The following GPM6A variants were observed in gnomAD, a reference collection of about 807,000 sequenced individuals.
The protein encoded by GPM6A is glycoprotein M6A.
In GPM6A, 7 loss-of-function variants were observed where a neutral mutation model predicts 32.1. That is an observed-to-expected ratio of 0.22 (90% CI 0.12 to 0.41). The LOEUF is 0.41. GPM6A is among the 10% of genes least tolerant of loss of function. GPM6A has a pLI of 1.00. For missense variants in GPM6A, 235 were observed against 347.2 expected (o/e 0.68, Z 2.57); for synonymous variants, 130 against 123.4 (o/e 1.05, Z -0.35).
chr4:175,684,342 C>T (rs1743854881), intron 2 of GPM6A, among the ~76,000 whole-genome samples: 1 of 152,120 alleles, frequency 6.6e-6, no homozygotes. Flanking sequence ...TATTACATCT[C>T]ATCTGGGATT....
intron 3 of GPM6A, among the ~76,000 whole-genome samples, chr4:175,671,651 A>C (rs1270179956): frequency 6.6e-6 from 1 of 152,022 alleles, no homozygotes; most frequent in Non-Finnish European, 1.5e-5. Flanking sequence ...AGGGGAAGGG[A>C]GGCAGGGTTC....
intron 1 of GPM6A, among the ~76,000 whole-genome samples, chr4:175,709,396 T>A (rs1745401694): frequency 6.6e-6 from 1 of 151,726 alleles, no homozygotes. Flanking sequence ...TTAAAGAGCA[T>A]TGGCCAGGAC....
chr4:175,752,148 T>C (rs956796692), intron 1 of GPM6A, among the ~76,000 whole-genome samples: 1 of 152,196 alleles, frequency 6.6e-6, no homozygotes, highest in Non-Finnish European at 1.5e-5. Context: ...AGTAATTTTA[T>C]ATAATTGTGG....
chr4:175,708,897 AAAG>A (rs1324469485), intron 1 of GPM6A, among the ~76,000 whole-genome samples: 8 of 152,360 alleles, frequency 5.3e-5, no homozygotes, highest in Non-Finnish European at 1.2e-4. Context: ...GAGTCTGCAT[AAAG>A]TTGTAATTAC....
In GPM6A at chr4:175,772,189, C is replaced by G. The variant is rs377227912; in HGVS notation, c.37+40002G>C. Among the ~76,000 whole-genome samples the G allele has an allele frequency of 1.8e-3, 268 of 152,174 alleles. 1 individual carries two copies. The highest frequency in any genetic ancestry group is 5.3e-3 in the African/African-American group (221 of 41,564). ...ACAAACACCTTAATATGAGGCCAGT[C>G]TATCTGTCAATCACAATTTATTATC... On this transcript the variant is annotated intron_variant, in intron 1 of 6. Coordinates refer to ENST00000393658, the MANE Select transcript of GPM6A (RefSeq NM_201591.3).
intron 1 of GPM6A, among the ~76,000 whole-genome samples, chr4:175,830,478 C>T (rs1310435520): frequency 4.6e-5 from 7 of 152,148 alleles, no homozygotes. Context: ...CTGTTCTTCA[C>T]ACATATATCA....
intron 3 of GPM6A, among the ~76,000 whole-genome samples, chr4:175,665,551 C>T (rs111373880): frequency 2.1e-4 from 32 of 152,112 alleles, no homozygotes; most frequent in South Asian, 1.3e-3. Context: ...GAGACTGAGG[C>T]GGGCGGATCA....
At chr4:175,847,361 C>T (rs1736122152) in intron 1 of GPM6A, among the ~76,000 whole-genome samples, 1 of 152,094 alleles carries the variant, frequency 6.6e-6, no homozygotes, top group Admixed American at 6.6e-5. Flanking sequence ...ATGGAAAATT[C>T]CAGAAACACA....
At chr4:175,971,684 A>T (rs1485078251) in intron 1 of GPM6A, among the ~76,000 whole-genome samples, 1 of 152,216 alleles carries the variant, frequency 6.6e-6, no homozygotes, top group Non-Finnish European at 1.5e-5. Flanking sequence ...TAGAAGAAAC[A>T]GTGGTTTTGA....
At chr4:175,858,238 A>G (rs991911667) in intron 1 of GPM6A, among the ~76,000 whole-genome samples, 1 of 152,182 alleles carries the variant, frequency 6.6e-6, no homozygotes, top group African/African-American at 2.4e-5. Flanking sequence ...ACTTATTAGA[A>G]AAGCTAAAAA....
At chr4:175,774,361 G>A (rs1459938750) in intron 1 of GPM6A, among the ~76,000 whole-genome samples, 1 of 151,922 alleles carries the variant, frequency 6.6e-6, no homozygotes, top group Non-Finnish European at 1.5e-5. Context: ...ACATTAATAA[G>A]CATATTAATC....
intron 1 of GPM6A, among the ~76,000 whole-genome samples, chr4:175,784,134 T>C (rs1243531633): frequency 6.6e-6 from 1 of 152,124 alleles, no homozygotes; most frequent in East Asian, 1.9e-4. Context: ...TGCTTCTGGA[T>C]ATGAAGTGAT....
At chr4:175,787,675 G>T in intron 1 of GPM6A, 1 of 1,028,002 alleles carries the variant, frequency 9.7e-7, no homozygotes, top group African/African-American at 1.7e-5. Context: ...TTTAATATAT[G>T]CAAGACATAA....
At chr4:175,751,106 C>T (rs919137637) in intron 1 of GPM6A, among the ~76,000 whole-genome samples, 1 of 151,970 alleles carries the variant, frequency 6.6e-6, no homozygotes, top group Admixed American at 6.6e-5. Context: ...ATCTTGTATA[C>T]AATTTATATT....
chr4:175,748,952 C>A (rs1271842190), intron 1 of GPM6A, among the ~76,000 whole-genome samples: 2 of 152,256 alleles, frequency 1.3e-5, no homozygotes, highest in South Asian at 2.1e-4. Flanking sequence ...GAAATAGCTT[C>A]TTTTCTTAAA....
At chr4:175,951,480 A>T (rs1317740760) in intron 1 of GPM6A, among the ~76,000 whole-genome samples, 1 of 152,200 alleles carries the variant, frequency 6.6e-6, no homozygotes, top group South Asian at 2.1e-4. Flanking sequence ...TCTGGATTCC[A>T]TCCTCATTAC....
intron 1 of GPM6A, among the ~76,000 whole-genome samples, chr4:175,790,107 C>T (rs756811925): frequency 1.3e-5 from 2 of 152,120 alleles, no homozygotes; most frequent in African/African-American, 2.4e-5. Flanking sequence ...ATCTTGTTAG[C>T]ACTACATAAA....
chr4:175,788,480 GT>G (rs1733886639), intron 1 of GPM6A, among the ~76,000 whole-genome samples: 1 of 152,178 alleles, frequency 6.6e-6, no homozygotes, highest in Admixed American at 6.5e-5. Flanking sequence ...TTAAATAACA[GT>G]TTTGAATCCC....
intron 2 of GPM6A, among the ~76,000 whole-genome samples, chr4:175,696,267 A>T (rs566744615): frequency 1.3e-5 from 2 of 151,926 alleles, no homozygotes; most frequent in South Asian, 2.1e-4. Flanking sequence ...CTGATTAGTT[A>T]CTAAGGCAAA....
Sources: allele counts gnomAD v4.1 joint callset (sites outside exome capture counted in the v4.1 genomes callset), GRCh38; gene constraint gnomAD v4.1.1; transcripts MANE v1.5; gene names NCBI Gene and HGNC (gene_info 2026-07-23, HGNC 2026-07-21).